TUSC3: variants seen among roughly 807,000 people sequenced by gnomAD.
TUSC3 encodes the protein dolichyl-diphosphooligosaccharide--protein glycosyltransferase subunit TUSC3.
A neutral mutation model predicts 44.8 loss-of-function variants in TUSC3; 45 were observed. The ratio of observed to expected loss-of-function variants is 1.00; its 90% CI spans 0.79 to 1.29. The LOEUF (loss-of-function observed/expected upper bound fraction) is 1.29, where lower values mean the gene tolerates loss of function less well. Among genes scored for constraint, TUSC3 ranks in the 50% most tolerant of loss-of-function variants. The pLI is 0.00. For missense variants in TUSC3, 519 were observed against 437.9 expected (o/e 1.19, Z -1.65); for synonymous variants, 212 against 152.9 (o/e 1.39, Z -2.85).
chr8:15,850,707 T>C, the TUSC3 span, among the ~76,000 whole-genome samples: 1 of 152,324 alleles, frequency 6.6e-6, no homozygotes, highest in African/African-American at 2.4e-5. Context: ...GAGGTGATGA[T>C]GACCAACTAA....
chr8:15,673,673 C>A, intron 5 of TUSC3, 74 bp from the exon 6 acceptor site: 2 of 1,212,650 alleles, frequency 1.6e-6, no homozygotes, highest in Non-Finnish European at 2.4e-6. Context: ...TTCATGATGA[C>A]CATTGTCTTT....
At chr8:15,633,480 T>G (rs1396411593) in intron 2 of TUSC3, among the ~76,000 whole-genome samples, 1 of 152,190 alleles carries the variant, frequency 6.6e-6, no homozygotes, top group Non-Finnish European at 1.5e-5. Context: ...TGTGGCCTCA[T>G]TTGGAAATAG....
intron 1 of TUSC3, among the ~76,000 whole-genome samples, chr8:15,431,624 A>T (rs1799874701): frequency 6.6e-6 from 1 of 151,570 alleles, no homozygotes; most frequent in African/African-American, 2.4e-5. Flanking sequence ...TACAAACAGA[A>T]ATAACTTTGC....
At chr8:15,655,427 A>C in intron 3 of TUSC3, among the ~76,000 whole-genome samples, 1 of 152,232 alleles carries the variant, frequency 6.6e-6, no homozygotes, top group African/African-American at 2.4e-5. Flanking sequence ...AAGTGCTGGC[A>C]AGCCACTGTG....
intron 6 of TUSC3, among the ~76,000 whole-genome samples, chr8:15,694,792 C>T (rs1443010055): frequency 6.6e-6 from 1 of 152,134 alleles, no homozygotes; most frequent in African/African-American, 2.4e-5. Context: ...CTCCTGATTA[C>T]TGGAGGGGGT....
chr8:15,851,135 T>G, the TUSC3 span, among the ~76,000 whole-genome samples: 1 of 152,242 alleles, frequency 6.6e-6, no homozygotes, highest in Admixed American at 6.5e-5. Flanking sequence ...TCTAAAAATA[T>G]GTTTCATCCT....
intron 2 of TUSC3, among the ~76,000 whole-genome samples, chr8:15,648,724 T>TAAAAAAAA (rs1469639396): frequency 1.3e-4 from 1 of 7,982 alleles, no homozygotes. Context: ...AGACTCTGTG[T>TAAAAAAAA]CAAAAAAAAA....
chr8:15,538,772 TACTC>T (rs1246245259), upstream of TUSC3, among the ~76,000 whole-genome samples: 15 of 152,072 alleles, frequency 9.9e-5, no homozygotes, highest in South Asian at 2.1e-4. Flanking sequence ...ATTATTTTCA[TACTC>T]AGTAAGTTGT....
chr8:15,839,286 C>T, the TUSC3 span, among the ~76,000 whole-genome samples: 84,795 of 151,940 alleles, frequency 0.56, 24,203 homozygotes, highest in Non-Finnish European at 0.6. Context: ...TCTAAATATA[C>T]AATCATGTCA....
At chr8:15,615,733 A>G (rs145546097) in intron 1 of TUSC3, among the ~76,000 whole-genome samples, 130 of 152,338 alleles carry the variant, frequency 8.5e-4, no homozygotes, top group Non-Finnish European at 1.1e-3. Flanking sequence ...CTCTACCATA[A>G]ATATGTATAA....
chr8:15,777,453 T>C, the TUSC3 span, among the ~76,000 whole-genome samples: 2 of 152,146 alleles, frequency 1.3e-5, no homozygotes, highest in Non-Finnish European at 2.9e-5. Flanking sequence ...AATATATACA[T>C]CCCCATGTAT....
At chr8:15,605,110 C>G (rs1416082877) in intron 1 of TUSC3, among the ~76,000 whole-genome samples, 2 of 151,690 alleles carry the variant, frequency 1.3e-5, no homozygotes, top group East Asian at 1.9e-4. Context: ...ATGAAACATC[C>G]TCATTTTCTC....
chr8:15,771,233 G>A (rs1174964291), downstream of TUSC3, among the ~76,000 whole-genome samples: 4 of 152,124 alleles, frequency 2.6e-5, no homozygotes, highest in African/African-American at 9.7e-5. Flanking sequence ...CATAAAACAT[G>A]CTTCAGCATG....
intron 2 of TUSC3, among the ~76,000 whole-genome samples, chr8:15,632,154 A>G (rs1805800475): frequency 1.3e-5 from 2 of 152,182 alleles, no homozygotes; most frequent in African/African-American, 4.8e-5. Flanking sequence ...CCCCCATGCC[A>G]TGTGAGATCC....
Position 15,659,506 on chromosome 8 carries a change from G to T in TUSC3, c.427-1G>T. ...TAGTATTTTTTTCTCATGTTTTACA[G>T]CTCAACATGAACTCTGCTCCTACAT... On this transcript the variant is annotated splice_acceptor_variant, in intron 3 of 10. Transcript: ENST00000503731. LOFTEE classifies it high-confidence loss of function. 6.2e-7 allele frequency: 1 copy of T among 1,611,908 alleles called. No individual in the cohort carries two copies. Among genetic ancestry groups the T allele is most frequent in the Non-Finnish European group, 8.5e-7 (1 of 1,179,430 alleles).
intron 6 of TUSC3, among the ~76,000 whole-genome samples, chr8:15,710,829 A>AAT (rs887510110): frequency 1.4e-5 from 2 of 147,558 alleles, no homozygotes; most frequent in Admixed American, 6.8e-5. Flanking sequence ...TGAATTTATA[A>AAT]ATATATATAT....
At chr8:15,716,905 A>T (rs1204993569) in intron 6 of TUSC3, among the ~76,000 whole-genome samples, 1 of 152,046 alleles carries the variant, frequency 6.6e-6, no homozygotes, top group Non-Finnish European at 1.5e-5. Flanking sequence ...TTGAGAAATT[A>T]AAAAAATAGA....
At chr8:15,461,302 G>A (rs941849550) in intron 1 of TUSC3, among the ~76,000 whole-genome samples, 3 of 152,008 alleles carry the variant, frequency 2.0e-5, no homozygotes, top group Non-Finnish European at 4.4e-5. Context: ...TGCAGCTATT[G>A]TAAAAATGGT....
intron 9 of TUSC3, among the ~76,000 whole-genome samples, chr8:15,754,495 C>G (rs1045332008): frequency 1.3e-5 from 2 of 152,144 alleles, no homozygotes; most frequent in African/African-American, 4.8e-5. Flanking sequence ...CTTCCTACTT[C>G]TACTTTGGAT....
Sources: allele counts gnomAD v4.1 joint callset (sites outside exome capture counted in the v4.1 genomes callset), GRCh38; gene constraint gnomAD v4.1.1; transcripts MANE v1.5; gene names NCBI Gene and HGNC (gene_info 2026-07-23, HGNC 2026-07-21).